Variants in CELF2 observed in about 807,000 individuals in gnomAD.
The protein encoded by CELF2 is CUGBP Elav-like family member 2, also known as CUG triplet repeat RNA-binding protein 2.
In CELF2, 8 loss-of-function variants were observed where a neutral mutation model predicts 62.6. The observed-to-expected ratio is 0.13, with a 90% CI of 0.07 to 0.23. The LOEUF (loss-of-function observed/expected upper bound fraction) is 0.23, where lower values mean the gene tolerates loss of function less well. Ranked by LOEUF, CELF2 falls within the 10% of genes least tolerant of loss-of-function variation. CELF2 has a pLI of 1.00. For synonymous variants in CELF2, 258 were observed against 250.0 expected (o/e 1.03, Z -0.30); for missense variants, 333 against 671.0 (o/e 0.50, Z 5.56).
At chr10:10,945,768 C>A (rs2047598426) in intron 2 of CELF2, among the ~76,000 whole-genome samples, 1 of 152,128 alleles carries the variant, frequency 6.6e-6, no homozygotes, top group African/African-American at 2.4e-5. Context: ...CTGGGGGAGT[C>A]AACAGCGAGG....
At chr10:10,525,352 T>A in the CELF2 span, among the ~76,000 whole-genome samples, 1 of 151,934 alleles carries the variant, frequency 6.6e-6, no homozygotes, top group South Asian at 2.1e-4. Context: ...TCTTAAAACC[T>A]GATGAGATTT....
chr10:10,696,156 G>C, the CELF2 span, among the ~76,000 whole-genome samples: 2 of 152,080 alleles, frequency 1.3e-5, no homozygotes, highest in Admixed American at 1.3e-4. Flanking sequence ...GGTCTTTGAT[G>C]ATGGTGATGT....
intron 1 of CELF2, among the ~76,000 whole-genome samples, chr10:11,139,257 T>A (rs2060910703): frequency 6.6e-6 from 1 of 152,230 alleles, no homozygotes; most frequent in South Asian, 2.1e-4. Context: ...TTTTATAGCT[T>A]GCTACTATCT....
At chr10:11,151,071 CTTG>C (rs1453126350) in intron 1 of CELF2, among the ~76,000 whole-genome samples, 3 of 152,182 alleles carry the variant, frequency 2.0e-5, no homozygotes, top group African/African-American at 7.2e-5. Context: ...ATTGGTTAGA[CTTG>C]TTGGTGAGAA....
chr10:11,062,420 A>G (rs972767806), intron 1 of CELF2, among the ~76,000 whole-genome samples: 1 of 152,212 alleles, frequency 6.6e-6, no homozygotes, highest in African/African-American at 2.4e-5. Context: ...AGGATTTACC[A>G]TATTAGAGGT....
intron 1 of CELF2, among the ~76,000 whole-genome samples, chr10:11,137,407 C>A (rs967373700): frequency 6.6e-6 from 1 of 152,088 alleles, no homozygotes; most frequent in Non-Finnish European, 1.5e-5. Context: ...GGGTGGAAGC[C>A]GTGTTAGTAC....
intron 1 of CELF2, among the ~76,000 whole-genome samples, chr10:10,895,166 A>G (rs1295421786): frequency 6.6e-6 from 1 of 152,184 alleles, no homozygotes; most frequent in Non-Finnish European, 1.5e-5. Context: ...TGAACCCAGG[A>G]GATCAAACCC....
rs2074955886 is a variant in CELF2, at chr10:11,244,358, TA to T, written c.355-4793del. On this transcript the variant is annotated intron_variant, in intron 3 of 12. Transcript: ENST00000633077. The surrounding 1 kb of genome is among the most constrained non-coding windows in gnomAD (Gnocchi z 4.2). ...TCTTGTTTTCGGTGAATGTTCTTTT[TA>T]ACAACTTCCATTGGCCGGGCGTGGT... 6.6e-6 allele frequency among the ~76,000 whole-genome samples: 1 copy of T among 152,196 alleles called. No homozygotes were observed.
the CELF2 span, among the ~76,000 whole-genome samples, chr10:10,694,317 C>T: frequency 3.3e-5 from 5 of 151,138 alleles, no homozygotes; most frequent in South Asian, 4.3e-4. Context: ...TGTAGTTGAG[C>T]GGTTTTGAGT....
intron 1 of CELF2, among the ~76,000 whole-genome samples, chr10:10,848,029 T>C (rs1025034257): frequency 6.6e-5 from 10 of 152,116 alleles, no homozygotes; most frequent in African/African-American, 2.4e-4. Flanking sequence ...TCTCTCCCTC[T>C]CTCCTTTCTC....
intron 1 of CELF2, among the ~76,000 whole-genome samples, chr10:11,109,605 C>A (rs536490106): frequency 1.8e-4 from 27 of 152,336 alleles, no homozygotes; most frequent in African/African-American, 5.3e-4. Context: ...TCTGACACAG[C>A]TAGGCACTCT....
the CELF2 span, among the ~76,000 whole-genome samples, chr10:10,493,290 A>G: frequency 6.6e-6 from 1 of 152,148 alleles, no homozygotes; most frequent in Admixed American, 6.5e-5. Flanking sequence ...GGGGGCATGG[A>G]TGGCTATGGG....
the CELF2 span, among the ~76,000 whole-genome samples, chr10:10,567,132 A>G: frequency 2.7e-3 from 404 of 152,354 alleles, 4 homozygotes; most frequent in African/African-American, 9.3e-3. Context: ...GACTTCTTCT[A>G]AATAATAGAT....
At chr10:10,517,626 T>C in the CELF2 span, among the ~76,000 whole-genome samples, 4 of 152,064 alleles carry the variant, frequency 2.6e-5, no homozygotes, top group Non-Finnish European at 5.9e-5. Flanking sequence ...TGATGTCAGG[T>C]CTTAGGAGGC....
the CELF2 span, among the ~76,000 whole-genome samples, chr10:10,513,546 A>G: frequency 1.3e-5 from 2 of 152,192 alleles, no homozygotes; most frequent in Admixed American, 6.5e-5. Flanking sequence ...AACACCAAAA[A>G]TAAGAGTAGC....
rs1039690895 is a variant in CELF2 at position 11,306,026 on chromosome 10, C to G, written c.977-8113C>G. ...TGCTCAACCATTCTCTTTCCTGGCA[C>G]GCCAGCTGGCCTGAACGTCCGTCGC... On this transcript the variant is annotated intron_variant, in intron 9 of 12. Transcript: ENST00000633077. This position sits in a 1 kb window ranked among gnomAD's most constrained non-coding sequence, Gnocchi z 4.4. Among the ~76,000 whole-genome samples, 1 of 152,222 alleles carries G rather than the reference C, an allele frequency of 6.6e-6. No homozygotes were observed. The highest frequency in any genetic ancestry group is 2.4e-5 in the African/African-American group (1 of 41,468).
the CELF2 span, among the ~76,000 whole-genome samples, chr10:10,647,965 C>T: frequency 6.6e-6 from 1 of 152,210 alleles, no homozygotes; most frequent in African/African-American, 2.4e-5. Flanking sequence ...TTTTGATCCA[C>T]TTCCTTCAGA....
At chr10:11,096,709 A>C (rs1014317817) in intron 1 of CELF2, among the ~76,000 whole-genome samples, 2 of 152,208 alleles carry the variant, frequency 1.3e-5, no homozygotes, top group African/African-American at 4.8e-5. Flanking sequence ...ACCTTGGCTC[A>C]GAAGCAATTC....
chr10:10,588,561 T>C, the CELF2 span, among the ~76,000 whole-genome samples: 1 of 152,126 alleles, frequency 6.6e-6, no homozygotes, highest in South Asian at 2.1e-4. Flanking sequence ...CCATGCTCAA[T>C]ATGGTGGTGG....
Sources: allele counts gnomAD v4.1 joint callset (sites outside exome capture counted in the v4.1 genomes callset), GRCh38; gene constraint gnomAD v4.1.1; non-coding constraint Gnocchi (gnomAD v3.1); transcripts MANE v1.5; gene names NCBI Gene and HGNC (gene_info 2026-07-23, HGNC 2026-07-21).